The following MYO15A variants were observed in gnomAD, a reference collection of about 807,000 sequenced individuals.
The protein encoded by MYO15A is unconventional myosin-XV.
Under a neutral mutation model 394.6 loss-of-function variants are expected in MYO15A, and 308 were observed. That is an observed-to-expected ratio of 0.78 (90% CI 0.71 to 0.86). The LOEUF (loss-of-function observed/expected upper bound fraction) is 0.86. Among genes scored for constraint, MYO15A ranks in the 40% least tolerant of loss-of-function variants. The pLI is 0.00. For missense variants in MYO15A, 4,606 were observed against 4,799.1 expected (o/e 0.96, Z 1.19); for synonymous variants, 1,957 against 2,003.8 (o/e 0.98, Z 0.62).
rs767978786 is a variant in MYO15A, at chr17:18,120,824, C to G, written c.2024C>G (p.Pro675Arg). 1 of 1,174,380 alleles carries G rather than the reference C, an allele frequency of 8.5e-7. No homozygotes were observed. Among genetic ancestry groups the G allele is most frequent in the Admixed American group, 4.9e-5 (1 of 20,246 alleles). 72.7% of individuals were successfully genotyped at this position (1,174,380 alleles called of 1,614,324 possible). ...CCGCGGCCCCCAAGCTCCGGGCCCC[C>G]GCCCGCGCCGCCGCTCTCCCCGGCG... Reference protein sequence around the residue: ...VPPRPPSSGPPPAPPLSPALS... With the variant: ...VPPRPPSSGPRPAPPLSPALS... Residue 675 changes from proline (P) to arginine (R), a missense_variant, in exon 2 of 66, where the codon CCG becomes CGG. Coordinates refer to ENST00000647165, the MANE Select transcript of MYO15A (RefSeq NM_016239.4).
intron 11 of MYO15A, 134 bp from the exon 12 acceptor site, chr17:18,133,091 G>T: frequency 2.3e-6 from 2 of 875,978 alleles, no homozygotes; most frequent in Non-Finnish European, 1.8e-6. Context: ...CAGAGCCTCC[G>T]TGCCCATGAG....
intron 51 of MYO15A, 46 bp from the exon 52 acceptor site, chr17:18,158,477 C>T: frequency 6.5e-7 from 1 of 1,539,242 alleles, no homozygotes; most frequent in Non-Finnish European, 9.0e-7. Context: ...AAGGGCTAGG[C>T]GTGGTGTGGC....
intron 18 of MYO15A, 137 bp from the exon 19 acceptor site, chr17:18,139,397 C>A: frequency 9.5e-7 from 1 of 1,050,458 alleles, no homozygotes. Flanking sequence ...ATGGCGAATG[C>A]TCCCCTCCCC....
Position 18,136,557 on chromosome 17 carries a change from C to G in MYO15A, c.4656-6C>G. The G allele has an allele frequency of 6.2e-7, 1 of 1,614,040 alleles. No individual in the cohort carries two copies. ...CCTGCTCACACCAGCACCACCTCTG[C>G]TCCAGGGACGCCATCGCCAAGGTCT... On this transcript the variant is annotated splice_polypyrimidine_tract_variant and splice_region_variant and intron_variant, in intron 14 of 65. Transcript: ENST00000647165.
At position 18,121,574 on chromosome 17, in the gene MYO15A, T is replaced by A. The variant is rs1353965556; in HGVS notation, c.2774T>A (p.Leu925Gln). ...GAGACGCCCTGGACTGTGCCCCCAC[T>A]GGCCCCCAGCTGGGACGTGGACATG... ...DSETPWTVPP[L>Q]APSWDVDMPP... Residue 925 changes from leucine (L) to glutamine (Q), a missense_variant, in exon 2 of 66, where the codon CTG (leucine) becomes CAG (glutamine). By Grantham distance (113) the Leu-to-Gln change is moderately radical. Around this residue, in one of 2 missense-constraint regions of MYO15A, gnomAD observed 1,830 missense variants for 1,689.7 expected, o/e 1.08. Transcript: ENST00000647165. This position sits in a 1 kb window ranked among gnomAD's most constrained non-coding sequence, Gnocchi z 5.3. 6.3e-7 allele frequency: 1 copy of A among 1,594,092 alleles called. No individual in the cohort carries two copies. The highest frequency in any genetic ancestry group is 8.5e-7 in the Non-Finnish European group (1 of 1,170,512).
Position 18,142,271 on chromosome 17 carries a change from G to T in MYO15A, c.5825+17G>T. The T allele has an allele frequency of 6.2e-7, 1 of 1,609,052 alleles. No individual in the cohort carries two copies. Among genetic ancestry groups the T allele is most frequent in the Non-Finnish European group, 8.5e-7 (1 of 1,178,448 alleles). On this transcript the variant is annotated intron_variant, in intron 24 of 65. Transcript: ENST00000647165. Reference sequence around the variant, plus strand: ...CCTTGCCAGGTGAGGCACAGAAAAGGCAGGATTCCTAGGAGACCTATGGTC... The same window carrying T: ...CCTTGCCAGGTGAGGCACAGAAAAGTCAGGATTCCTAGGAGACCTATGGTC...
intron 17 of MYO15A, 108 bp downstream of exon 17, chr17:18,138,354 C>A: frequency 1.4e-6 from 2 of 1,424,330 alleles, no homozygotes; most frequent in Non-Finnish European, 1.9e-6. Flanking sequence ...CTGAGTCAGG[C>A]AGTGGGGGGT....
At position 18,118,737 on chromosome 17, in the gene MYO15A, T is replaced by C; in HGVS notation, c.-64T>C. The C allele has an allele frequency of 6.2e-7, 1 of 1,604,946 alleles. No individual in the cohort carries two copies. The highest frequency in any genetic ancestry group is 8.5e-7 in the Non-Finnish European group (1 of 1,177,242). On this transcript the variant is annotated 5_prime_UTR_variant, in exon 2 of 66. Transcript: ENST00000647165. ...GCGGGCAAGAGACAGAGCAGGTCCC[T>C]GTGTCTCCAAGTCCCTGAGCCCGTG... is the stretch of plus-strand genomic sequence containing the variant.
At chr17:18,164,428 A>C in intron 60 of MYO15A, 1 of 173,628 alleles carries the variant, frequency 5.8e-6, no homozygotes, top group Non-Finnish European at 1.2e-5. Flanking sequence ...GTCCTCAGCC[A>C]TGTGCCATCA....
chr17:18,170,165 G>C (rs2046919230), intron 62 of MYO15A, among the ~76,000 whole-genome samples: 1 of 151,890 alleles, frequency 6.6e-6, no homozygotes, highest in South Asian at 2.1e-4. Flanking sequence ...ACTTGTGAGA[G>C]CACAAGAGAG....
At chr17:18,127,002 C>G in intron 6 of MYO15A, 73 bp from the exon 7 acceptor site, 1 of 1,602,000 alleles carries the variant, frequency 6.2e-7, no homozygotes, top group East Asian at 2.2e-5. Flanking sequence ...CCTCTTGCTT[C>G]ATGATGGGAG....
intron 62 of MYO15A, 44 bp downstream of exon 62, chr17:18,167,767 C>G: frequency 6.3e-7 from 1 of 1,599,314 alleles, no homozygotes; most frequent in Non-Finnish European, 8.5e-7. Flanking sequence ...GACAGGCAAC[C>G]CTGCCCTCTC....
At chr17:18,159,776 T>C (rs1218834307) in intron 55 of MYO15A, 97 bp downstream of exon 55, 2 of 1,487,432 alleles carry the variant, frequency 1.3e-6, no homozygotes, top group African/African-American at 2.8e-5. Context: ...GTGGGAAACC[T>C]CTCCCATGGT....
intron 62 of MYO15A, among the ~76,000 whole-genome samples, chr17:18,168,726 G>A (rs781749545): frequency 4.6e-5 from 7 of 151,998 alleles, no homozygotes; most frequent in East Asian, 1.9e-4. Context: ...TTAAACTGAC[G>A]TTCTCTAAGT....
intron 61 of MYO15A, among the ~76,000 whole-genome samples, chr17:18,166,747 G>C (rs2046860974): frequency 6.6e-6 from 1 of 152,134 alleles, no homozygotes; most frequent in Non-Finnish European, 1.5e-5. Flanking sequence ...TGTGCTTCCT[G>C]ACTTATTTAA....
At chr17:18,115,070 A>G (rs2045767710) in intron 1 of MYO15A, among the ~76,000 whole-genome samples, 1 of 152,010 alleles carries the variant, frequency 6.6e-6, no homozygotes, top group South Asian at 2.1e-4. Context: ...CTGGCCAATG[A>G]CCTGACGGCC....
rs561546411 is a variant in MYO15A at position 18,149,474 on chromosome 17, C to T, written c.7118-12C>T. On this transcript the variant is annotated splice_polypyrimidine_tract_variant and intron_variant, in intron 34 of 65. Coordinates refer to ENST00000647165, the MANE Select transcript of MYO15A (RefSeq NM_016239.4). ...AAAAAAGAACTTGACATTTTTGTGC[C>T]TTCCCCTCCAGAGTCAGACAGTCTT... 5.6e-6 allele frequency: 9 copies of T among 1,614,168 alleles called. No homozygotes were observed. In the Admixed American group the frequency reaches 8.3e-5, roughly 15 times the overall value.
intron 1 of MYO15A, among the ~76,000 whole-genome samples, chr17:18,115,595 G>A (rs1427680788): frequency 6.6e-6 from 1 of 151,998 alleles, no homozygotes; most frequent in African/African-American, 2.4e-5. Flanking sequence ...TCCAGCCTGA[G>A]CAGCACAGCG....
intron 16 of MYO15A, 180 bp from the exon 17 acceptor site, chr17:18,137,935 G>A (rs919174524): frequency 6.4e-6 from 6 of 936,508 alleles, no homozygotes. Flanking sequence ...CCCAGGCAGA[G>A]GGAGCAGCAG....
Sources: gnomAD v4.1 joint callset for allele counts (sites outside exome capture counted in the v4.1 genomes callset) on GRCh38, gnomAD v4.1.1 for gene constraint, gnomAD v4.1.1 regional missense constraint, Gnocchi (gnomAD v3.1) non-coding constraint, MANE v1.5 for transcripts, NCBI Gene and HGNC (gene_info 2026-07-23, HGNC 2026-07-21) for gene names.